Variants in BRCA1 observed in about 807,000 individuals in gnomAD.
The protein encoded by BRCA1 is breast cancer type 1 susceptibility protein.
A neutral mutation model predicts 173.7 loss-of-function variants in BRCA1; 140 were observed. The observed-to-expected ratio is 0.81, with a 90% CI of 0.70 to 0.93. The LOEUF (loss-of-function observed/expected upper bound fraction) is 0.93. BRCA1 is among the 40% of genes least tolerant of loss of function. The pLI is 0.00. For synonymous variants in BRCA1, 662 were observed against 756.0 expected, an observed-to-expected ratio of 0.88 and a Z score of 2.04; for missense variants, 1,983 against 2,172.5, an observed-to-expected ratio of 0.91 and a Z score of 1.73.
intron 11 of BRCA1, among the ~76,000 whole-genome samples, chr17:43,084,128 T>G (rs1212109192): frequency 6.6e-6 from 1 of 152,094 alleles, no homozygotes; most frequent in Non-Finnish European, 1.5e-5. Context: ...CCTCCCAGGT[T>G]CAAGCCATTC....
intron 13 of BRCA1, among the ~76,000 whole-genome samples, chr17:43,074,865 G>T (rs1412487911): frequency 6.6e-6 from 1 of 151,674 alleles, no homozygotes; most frequent in Non-Finnish European, 1.5e-5. Context: ...AGGTTGCAGT[G>T]AGCCGAGATC....
Position 43,112,965 on chromosome 17 carries a change from G to A in BRCA1, c.134+2761C>T, listed in dbSNP as rs754381855. Among the ~76,000 whole-genome samples the A allele has an allele frequency of 7.4e-4, 113 of 152,086 alleles. 1 individual carries two copies. Among genetic ancestry groups the A allele is most frequent in the Admixed American group, 7.0e-3 (107 of 15,254 alleles). On this transcript the variant is annotated intron_variant, in intron 3 of 22. Transcript: ENST00000357654. ...ATTACAGGCATGCGCCTCCACGCCC[G>A]TCTAATTTTGTATTTTTAGTAGAGA...
At chr17:43,116,838 T>C (rs375055113) in intron 2 of BRCA1, among the ~76,000 whole-genome samples, 1 of 152,160 alleles carries the variant, frequency 6.6e-6, no homozygotes. Context: ...TTCTGATCTA[T>C]AGGTGTCTCT....
Position 43,073,764 on chromosome 17 carries a change from A to AT in BRCA1, c.4675+566dup, listed in dbSNP as rs1445332425. On this transcript the variant is annotated intron_variant, in intron 14 of 22. Transcript: ENST00000357654. Reference sequence around the variant, plus strand: ...TATATGTGTGTATATATATATATATATATTTTTTGAGATGGAGTCTTGCTC... The same window carrying AT: ...TATATGTGTGTATATATATATATATATTATTTTTTGAGATGGAGTCTTGCTC... 2.1e-4 allele frequency among the ~76,000 whole-genome samples: 32 copies of AT among 151,078 alleles called. 2 individuals are homozygous for AT. The highest frequency in any genetic ancestry group is 6.8e-3 in the Middle Eastern group (2 of 294).
intron 1 of BRCA1, among the ~76,000 whole-genome samples, chr17:43,154,859 A>G (rs2056186925): frequency 6.6e-6 from 1 of 151,902 alleles, no homozygotes; most frequent in Non-Finnish European, 1.5e-5. Flanking sequence ...AGGTAGTGTA[A>G]TATGTATAGG....
chr17:43,148,288 C>CAA lies in BRCA1; in HGVS notation c.-20+21836_-20+21837dup, dbSNP rs113187432. On this transcript the variant is annotated intron_variant, in intron 1 of 7. Coordinates refer to the BRCA1 transcript ENST00000634433. ...CTGGCAACAAGAGGGAACTCCATCT[C>CAA]AAAAAAAAAAAAAATCACCAGACTA... The CAA allele has an allele frequency of 9.9e-3, 1,419 of 143,826 alleles. 18 individuals are homozygous for CAA. The highest frequency in any genetic ancestry group is 0.035 in the African/African-American group (1,282 of 36,462). The allele number at this position is 143,826 out of a possible 1,614,324, so 8.9% of individuals were successfully genotyped here.
chr17:43,117,957 C>T (rs906934091), intron 2 of BRCA1, among the ~76,000 whole-genome samples: 6 of 151,934 alleles, frequency 3.9e-5, no homozygotes, highest in African/African-American at 1.5e-4. Flanking sequence ...TCATAGAGCT[C>T]ATATTCTAGT....
At chr17:43,104,016 A>G (rs2154547934) in intron 6 of BRCA1, 106 bp downstream of exon 6, 1 of 1,397,930 alleles carries the variant, frequency 7.2e-7, no homozygotes, top group South Asian at 1.2e-5. Flanking sequence ...CTAAGGCAGG[A>G]GGACTGCTTC....
intron 1 of BRCA1, among the ~76,000 whole-genome samples, chr17:43,158,558 G>A (rs1189832229): frequency 2.0e-5 from 3 of 151,854 alleles, no homozygotes; most frequent in African/African-American, 7.3e-5. Context: ...TTTTATTGTG[G>A]GTAAGAGGCA....
intron 2 of BRCA1, among the ~76,000 whole-genome samples, chr17:43,117,422 T>C (rs2055346114): frequency 6.6e-6 from 1 of 151,824 alleles, no homozygotes; most frequent in South Asian, 2.1e-4. Context: ...CCAGCCTAGG[T>C]GACAGAGGAA....
At position 43,161,844 on chromosome 17, in the gene BRCA1, C is replaced by T. The variant is rs1210394534; in HGVS notation, c.-20+8282G>A. Reference sequence around the variant, plus strand: ...TCTGCTATTACAGTTCCTCCACATACATAACATGAAGTGACAGTGAGAGAC... The same window carrying T: ...TCTGCTATTACAGTTCCTCCACATATATAACATGAAGTGACAGTGAGAGAC... On this transcript the variant is annotated intron_variant, in intron 1 of 7. Transcript: ENST00000634433. 3 of 152,320 alleles carry T rather than the reference C, an allele frequency of 2.0e-5. No homozygotes were observed. In the East Asian group the frequency reaches 5.8e-4, roughly 29 times the overall value. 9.4% of individuals were successfully genotyped at this position (152,320 alleles called of 1,614,324 possible).
intron 14 of BRCA1, among the ~76,000 whole-genome samples, chr17:43,073,020 C>T (rs2052524910): frequency 6.6e-6 from 1 of 151,580 alleles, no homozygotes; most frequent in Admixed American, 6.6e-5. Flanking sequence ...GTAATCTGTC[C>T]TTATTTTATC....
chr17:43,135,095 T>C (rs1258629364), intron 1 of BRCA1, among the ~76,000 whole-genome samples: 3 of 152,276 alleles, frequency 2.0e-5, no homozygotes, highest in Non-Finnish European at 4.4e-5. Flanking sequence ...TGTCTTGCTC[T>C]GGCCATGGAA....
intron 1 of BRCA1, chr17:43,169,985 A>G: frequency 2.1e-6 from 1 of 468,608 alleles, no homozygotes; most frequent in Non-Finnish European, 4.3e-6. Flanking sequence ...CTGCTTTAAT[A>G]AGGGCATTGA....
At chr17:43,128,880 ACTC>A (rs2055940272), upstream of BRCA1, among the ~76,000 whole-genome samples, 1 of 150,618 alleles carries the variant, frequency 6.6e-6, no homozygotes, top group South Asian at 2.1e-4. Context: ...CTGGTCTTGA[ACTC>A]CTGAGCTCAA....
At chr17:43,089,629 C>A (rs950413143) in intron 11 of BRCA1, among the ~76,000 whole-genome samples, 2 of 150,636 alleles carry the variant, frequency 1.3e-5, no homozygotes, top group Non-Finnish European at 1.5e-5. Flanking sequence ...CTCACTGCAA[C>A]CTCCGCCTCC....
chr17:43,053,536 C>A (rs939371847), intron 19 of BRCA1, among the ~76,000 whole-genome samples: 1 of 152,020 alleles, frequency 6.6e-6, no homozygotes, highest in Non-Finnish European at 1.5e-5. Flanking sequence ...GTGGCGGGCA[C>A]CTGTAGTCCC....
Position 43,093,830 on chromosome 17 carries a change from A to AT in BRCA1, c.1700dup (p.Asn567LysfsTer3), listed in dbSNP as rs80357784. The AT allele has an allele frequency of 6.2e-7, 1 of 1,613,146 alleles. No homozygotes were observed. The highest frequency in any genetic ancestry group is 8.5e-7 in the Non-Finnish European group (1 of 1,179,840). The stretch of plus-strand genomic sequence containing the variant: ...TTTCGAGTGATTCTATTGGGTTAGG[A>AT]TTTTTCTCATTCTGAATAGAATCAC... On this transcript the variant is annotated frameshift_variant, in exon 10 of 23. Coordinates refer to ENST00000357654, the MANE Select transcript of BRCA1 (RefSeq NM_007294.4). LOFTEE classifies it high-confidence loss of function.
At position 43,104,879 on chromosome 17, in the gene BRCA1, G is replaced by C. The variant is rs431825393; in HGVS notation, c.290C>G (p.Thr97Arg). ...TATTCAACACTTACACTCCAAACCT[G>C]TGTCAAGCTGAAAAGCACAAATGAT... is the stretch of plus-strand genomic sequence containing the variant. ...LKIICAFQLD[T>R]GLEYANSYNF... The change falls in exon 5 of 23, where the codon ACA (threonine) becomes AGA (arginine). Residue 97 changes from threonine (T) to arginine (R), a missense_variant. Physicochemically the swap from Thr to Arg is moderately conservative, Grantham distance 71. Transcript: ENST00000357654. 5.0e-6 allele frequency: 8 copies of C among 1,613,494 alleles called. No homozygotes were observed. The highest frequency in any genetic ancestry group is 6.8e-6 in the Non-Finnish European group (8 of 1,179,740).
Sources: gnomAD v4.1 joint callset for allele counts (sites outside exome capture counted in the v4.1 genomes callset) on GRCh38, gnomAD v4.1.1 for gene constraint, MANE v1.5 for transcripts, NCBI Gene and HGNC (gene_info 2026-07-23, HGNC 2026-07-21) for gene names.